Variants in MAZ observed in about 807,000 individuals in gnomAD.
MAZ encodes myc-associated zinc finger protein.
A neutral mutation model predicts 32.7 loss-of-function variants in MAZ; 4 were observed. The observed-to-expected ratio is 0.12, with a 90% CI of 0.06 to 0.28. The LOEUF (loss-of-function observed/expected upper bound fraction) is 0.28. MAZ is among the 10% of genes least tolerant of loss of function. MAZ has a pLI of 1.00. For missense variants in MAZ, 763 were observed against 667.2 expected, an observed-to-expected ratio of 1.14 and a Z score of -1.58; for synonymous variants, 510 against 297.6, an observed-to-expected ratio of 1.71 and a Z score of -7.35.
Position 29,809,442 on chromosome 16 carries a change from G to A in MAZ, c.1280-635G>A. On this transcript the variant is annotated intron_variant, in intron 4 of 4. Coordinates refer to ENST00000322945, the MANE Select transcript of MAZ (RefSeq NM_002383.4). The stretch of plus-strand genomic sequence containing the variant: ...AAGGATACCGTGGGAGGAGGACAGG[G>A]CCATCTGAGGAGGGCATCCCCCGCC... 3 of 774,534 alleles carry A rather than the reference G, an allele frequency of 3.9e-6. No homozygotes were observed. In the South Asian group the frequency reaches 4.4e-5, roughly 11 times the overall value. The allele number at this position is 774,534 out of a possible 1,614,324, so 48.0% of individuals were successfully genotyped here. A position where few individuals can be genotyped will look rare whatever the true frequency, so the allele number is the denominator to read the frequency against.
At position 29,810,595 on chromosome 16, in the gene MAZ, TCTCTC is replaced by T. The variant is rs931236001; in HGVS notation, c.*367_*371del. On this transcript the variant is annotated 3_prime_UTR_variant, in exon 5 of 5. Coordinates refer to ENST00000322945, the MANE Select transcript of MAZ (RefSeq NM_002383.4). ...GAGCCTCTTCCCTCGACGGTCCTCT[TCTCTC>T]CTTCCAGTCCTCTCCCCCTGCTGTC... 4.4e-6 allele frequency: 3 copies of T among 682,852 alleles called. No homozygotes were observed. Among genetic ancestry groups the T allele is most frequent in the Non-Finnish European group, 8.0e-6 (3 of 373,248 alleles). 42.3% of individuals were successfully genotyped at this position (682,852 alleles called of 1,614,324 possible). A position where few individuals can be genotyped will look rare whatever the true frequency, so the allele number is the denominator to read the frequency against.
chr16:29,810,683 G>A lies in MAZ; in HGVS notation c.*452G>A. 4.1e-6 allele frequency: 2 copies of A among 485,896 alleles called. No homozygotes were observed. The highest frequency in any genetic ancestry group is 4.0e-5 in the East Asian group (1 of 25,142). The allele number at this position is 485,896 out of a possible 1,614,324, so 30.1% of individuals were successfully genotyped here. A position where few individuals can be genotyped will look rare whatever the true frequency, so the allele number is the denominator to read the frequency against. On this transcript the variant is annotated 3_prime_UTR_variant, in exon 5 of 5. Coordinates refer to ENST00000322945, the MANE Select transcript of MAZ (RefSeq NM_002383.4). ...TTTCCTTTTTTTTTTTTTTCCAGGG[G>A]GAGGGAGGAGAGGAAGGAGGGGGAT...
rs780700096 is a variant in MAZ at position 29,810,168 on chromosome 16, C to T, written c.1371C>T (p.Gly457=). ...AAVAAPPTAV[G]SLSGAEGVPV... is the part of the protein sequence containing the mutation. The stretch of plus-strand genomic sequence containing the variant: ...TAGCAGCCCCTCCCACAGCTGTGGG[C>T]TCCCTCTCGGGGGCGGAGGGGGTGC... The change falls in exon 5 of 5, where the codon GGC becomes GGT. Residue 457 remains glycine, a synonymous_variant. Transcript: ENST00000322945. 3 of 1,610,784 alleles carry T rather than the reference C, an allele frequency of 1.9e-6. No individual in the cohort carries two copies. The highest frequency in any genetic ancestry group is 1.1e-5 in the South Asian group (1 of 90,942).
At position 29,806,666 on chromosome 16, in the gene MAZ, C is replaced by T. The variant is rs1190796208; in HGVS notation, c.-36C>T. The T allele has an allele frequency of 5.8e-6, 6 of 1,031,634 alleles. No individual in the cohort carries two copies. The highest frequency in any genetic ancestry group is 5.8e-6 in the Non-Finnish European group (5 of 856,774). 63.9% of individuals were successfully genotyped at this position (1,031,634 alleles called of 1,614,324 possible). On this transcript the variant is annotated 5_prime_UTR_variant, in exon 1 of 5. Coordinates refer to ENST00000322945, the MANE Select transcript of MAZ (RefSeq NM_002383.4). ...CCCGCGCGGCCCGCGCCCCCGGCCC[C>T]CGCTGAGCCCCGGGGGCCCCGCTGC...
rs1248877216 is a variant in MAZ at position 29,810,604 on chromosome 16, CCAGTCCTCTCCCCCTGCTGTCTG to C, written c.*377_*399del. On this transcript the variant is annotated 3_prime_UTR_variant, in exon 5 of 5. Coordinates refer to ENST00000322945, the MANE Select transcript of MAZ (RefSeq NM_002383.4). ...CCCTCGACGGTCCTCTTCTCTCCTT[CCAGTCCTCTCCCCCTGCTGTCTG>C]CAGCCCCTCCCCGGGGAGTTGGTGC... 3.0e-6 allele frequency: 2 copies of C among 669,250 alleles called. No individual in the cohort carries two copies. The highest frequency in any genetic ancestry group is 1.5e-5 in the South Asian group (1 of 64,518). 41.5% of individuals were successfully genotyped at this position (669,250 alleles called of 1,614,324 possible). A position where few individuals can be genotyped will look rare whatever the true frequency, so the allele number is the denominator to read the frequency against.
chr16:29,809,018 C>G, intron 4 of MAZ: 1 of 548,814 alleles, frequency 1.8e-6, no homozygotes, highest in South Asian at 2.5e-5. Flanking sequence ...AAGGAGTAGT[C>G]AAGAAAGCCA....
chr16:29,806,707 C>T lies in MAZ; in HGVS notation c.6C>T (p.Phe2=), dbSNP rs764530442. The change falls in exon 1 of 5, where the codon TTC becomes TTT. Residue 2 remains phenylalanine, a synonymous_variant. Coordinates refer to ENST00000322945, the MANE Select transcript of MAZ (RefSeq NM_002383.4). ...GCCCCGCTGCGGCCGAGGCCATGTT[C>T]CCGGTGTTTCCTTGCACGCTGCTGG... is the stretch of plus-strand genomic sequence containing the variant. M[F]PVFPCTLLAP... is the part of the protein sequence containing the mutation. The T allele has an allele frequency of 1.3e-5, 17 of 1,304,910 alleles. No homozygotes were observed. Among genetic ancestry groups the T allele is most frequent in the Admixed American group, 8.7e-5 (3 of 34,550 alleles). The allele number at this position is 1,304,910 out of a possible 1,614,324, so 80.8% of individuals were successfully genotyped here.
At chr16:29,808,209 C>G (rs746471941) in intron 2 of MAZ, 21 bp from the exon 3 acceptor site, 3 of 1,612,002 alleles carry the variant, frequency 1.9e-6, no homozygotes, top group Non-Finnish European at 1.7e-6. Flanking sequence ...CGCCCTAACC[C>G]CAACCCCAAC....
In MAZ at chr16:29,810,209, C is replaced by A; in HGVS notation, c.1412C>A (p.Pro471Gln). 2 of 1,598,372 alleles carry A rather than the reference C, an allele frequency of 1.3e-6. No homozygotes were observed. The highest frequency in any genetic ancestry group is 1.7e-6 in the Non-Finnish European group (2 of 1,172,376). ...GAEGVPVSSQPLPSQPW is the reference protein window; with the variant it reads ...GAEGVPVSSQQLPSQPW ...GAGGGGGTGCCTGTGAGCTCTCAGC[C>A]ACTTCCCTCCCAACCCTGGTGAGCT... Residue 471 changes from proline (P) to glutamine (Q), a missense_variant, in exon 5 of 5, where the codon CCA becomes CAA. Physicochemically the swap from Pro to Gln is moderately conservative, Grantham distance 76 (BLOSUM62 -1). Transcript: ENST00000322945.
At position 29,807,026 on chromosome 16, in the gene MAZ, CT is replaced by C; in HGVS notation, c.242del (p.Leu81ProfsTer47). ...GCCCCAGGCCCCGGCGGCCGAGCCC[CT>C]CCAGGTGGACTTGCTCCCGGTGCTC... ...PTPQAPAAEP[L>X]QVDLLPVLAA... On this transcript the variant is annotated frameshift_variant, in exon 2 of 5. Coordinates refer to ENST00000322945, the MANE Select transcript of MAZ (RefSeq NM_002383.4). LOFTEE classifies it high-confidence loss of function. 9.9e-7 allele frequency: 1 copy of C among 1,010,912 alleles called. No homozygotes were observed. 62.6% of individuals were successfully genotyped at this position (1,010,912 alleles called of 1,614,324 possible).
At position 29,808,306 on chromosome 16, in the gene MAZ, C is replaced by G. The variant is rs772764855; in HGVS notation, c.1107+13C>G. On this transcript the variant is annotated intron_variant, in intron 3 of 4. Coordinates refer to ENST00000322945, the MANE Select transcript of MAZ (RefSeq NM_002383.4). ...CTTCAAATGTGAGGTAGGAAGCCCG[C>G]CTCCTCCTGTCTTGGTTTTCATGAT... The G allele has an allele frequency of 6.2e-7, 1 of 1,611,708 alleles. No homozygotes were observed. Among genetic ancestry groups the G allele is most frequent in the South Asian group, 1.1e-5 (1 of 91,026 alleles).
chr16:29,809,125 G>A (rs949104665), intron 4 of MAZ: 2 of 511,002 alleles, frequency 3.9e-6, no homozygotes, highest in Non-Finnish European at 6.9e-6. Context: ...GGCTTTACCA[G>A]CACGCACCCT....
chr16:29,807,094 C>CGCCGCTGCT lies in MAZ; in HGVS notation c.315_323dup (p.Ala106_Ala108dup), dbSNP rs929946715. The CGCCGCTGCT allele has an allele frequency of 2.1e-5, 21 of 996,322 alleles. No individual in the cohort carries two copies. The highest frequency in any genetic ancestry group is 3.5e-5 in the African/African-American group (2 of 56,812). 61.7% of individuals were successfully genotyped at this position (996,322 alleles called of 1,614,324 possible). A position where few individuals can be genotyped will look rare whatever the true frequency, so the allele number is the denominator to read the frequency against. On this transcript the variant is annotated inframe_insertion, in exon 2 of 5. Transcript: ENST00000322945. ...CCGCCGCGGCTGCTGCGGCCGCTGC[C>CGCCGCTGCT]GCCGCTGCTGCCGCCGTCGCTGCCG...
Position 29,806,986 on chromosome 16 carries a change from G to C in MAZ, c.201G>C (p.Pro67=). Residue 67 remains proline (P), a synonymous_variant, in exon 2 of 5, where the codon CCG becomes CCC. Transcript: ENST00000322945. ...GCAQSPFQAA[P]APPPTPQAPA... is the part of the protein sequence containing the mutation. ...GCGCCTTGTCTCCGCAGGCCGCGCC[G>C]GCGCCCCCGCCCACGCCCCAGGCCC... is the stretch of plus-strand genomic sequence containing the variant. The C allele has an allele frequency of 3.9e-6, 4 of 1,018,656 alleles. No individual in the cohort carries two copies. The highest frequency in any genetic ancestry group is 4.7e-6 in the Non-Finnish European group (4 of 855,986). 63.1% of individuals were successfully genotyped at this position (1,018,656 alleles called of 1,614,324 possible).
intron 3 of MAZ, 65 bp from the exon 4 acceptor site, chr16:29,808,505 C>G: frequency 2.7e-6 from 3 of 1,100,766 alleles, no homozygotes; most frequent in Non-Finnish European, 4.0e-6. Context: ...TCTTGCTCCC[C>G]CCTCCCCAGC....
Position 29,807,068 on chromosome 16 carries a change from TCCGCCGCGG to T in MAZ, c.285_293del (p.Ala106_Ala108del), listed in dbSNP as rs1899529454. On this transcript the variant is annotated inframe_deletion, in exon 2 of 5. Transcript: ENST00000322945. ...CCCGGTGCTCGCCGCCGCCCAGGAG[TCCGCCGCGG>T]CTGCTGCGGCCGCTGCCGCCGCTGC... 4 of 1,020,074 alleles carry T rather than the reference TCCGCCGCGG, an allele frequency of 3.9e-6. No homozygotes were observed. The highest frequency in any genetic ancestry group is 4.2e-5 in the South Asian group (1 of 23,674). The allele number at this position is 1,020,074 out of a possible 1,614,324, so 63.2% of individuals were successfully genotyped here. A position where few individuals can be genotyped will look rare whatever the true frequency, so the allele number is the denominator to read the frequency against.
At chr16:29,808,484 T>A in intron 3 of MAZ, 86 bp from the exon 4 acceptor site, 1 of 1,059,802 alleles carries the variant, frequency 9.4e-7, no homozygotes, top group Non-Finnish European at 1.4e-6. Context: ...AAGGCTCTGA[T>A]TCCTTTAATC....
Position 29,810,543 on chromosome 16 carries a change from C to G in MAZ, c.*312C>G. ...CGTACCCCCTCTCCTCTCTGTAAGC[C>G]CATGCCCTGTCTTCCCAGGGACTTG... On this transcript the variant is annotated 3_prime_UTR_variant, in exon 5 of 5. Coordinates refer to ENST00000322945, the MANE Select transcript of MAZ (RefSeq NM_002383.4). 1 of 701,028 alleles carries G rather than the reference C, an allele frequency of 1.4e-6. No individual in the cohort carries two copies. The highest frequency in any genetic ancestry group is 2.7e-5 in the East Asian group (1 of 37,220). 43.4% of individuals were successfully genotyped at this position (701,028 alleles called of 1,614,324 possible). A position where few individuals can be genotyped will look rare whatever the true frequency, so the allele number is the denominator to read the frequency against.
chr16:29,808,375 C>G, intron 3 of MAZ, 82 bp downstream of exon 3: 11 of 1,383,466 alleles, frequency 8.0e-6, no homozygotes, highest in Admixed American at 3.4e-5. Context: ...CTCAGACCCC[C>G]TTTTTCTCTC....
Sources: gnomAD v4.1 joint callset for allele counts on GRCh38, gnomAD v4.1.1 for gene constraint, MANE v1.5 for transcripts, NCBI Gene and HGNC (gene_info 2026-07-23, HGNC 2026-07-21) for gene names.